Variants in FLACC1 observed in about 807,000 individuals in gnomAD.
FLACC1 encodes flagellum associated containing coiled-coil domains 1, also known as flagellum-associated coiled-coil domain-containing protein 1.
A neutral mutation model predicts 62.8 loss-of-function variants in FLACC1; 66 were observed. That is an observed-to-expected ratio of 1.05 (90% CI 0.86 to 1.29). The LOEUF is 1.29. FLACC1 is among the 50% of genes most tolerant of loss of function. The pLI is 0.00. For missense variants in FLACC1, 452 were observed against 489.1 expected (o/e 0.92, Z 0.71); for synonymous variants, 156 against 161.0 (o/e 0.97, Z 0.24).
intron 7 of FLACC1, among the ~76,000 whole-genome samples, chr2:201,339,180 G>T (rs1014123565): frequency 7.9e-5 from 12 of 151,984 alleles, no homozygotes; most frequent in African/African-American, 2.9e-4. Flanking sequence ...ATTTTTGCTA[G>T]ATTTTTTAGT....
At chr2:201,289,612 A>T in intron 13 of FLACC1, 46 bp from the exon 14 acceptor site, 2 of 1,612,934 alleles carry the variant, frequency 1.2e-6, no homozygotes, top group Non-Finnish European at 1.7e-6. Flanking sequence ...ACCCAGAGCC[A>T]TCCAGGGCAG....
At chr2:201,313,694 T>TA (rs1269694511) in intron 9 of FLACC1, among the ~76,000 whole-genome samples, 1 of 152,024 alleles carries the variant, frequency 6.6e-6, no homozygotes, top group Non-Finnish European at 1.5e-5. Flanking sequence ...CGCCTGATCC[T>TA]CCCCATACTA....
At chr2:201,303,100 T>G (rs1466886389) in intron 11 of FLACC1, among the ~76,000 whole-genome samples, 3 of 108,786 alleles carry the variant, frequency 2.8e-5, no homozygotes, top group Non-Finnish European at 6.2e-5. Context: ...CTGAAGGAGA[T>G]AGAGACACAA....
At chr2:201,348,362 G>A (rs939652844) in intron 3 of FLACC1, 60 bp from the exon 4 acceptor site, 4 of 1,572,504 alleles carry the variant, frequency 2.5e-6, no homozygotes, top group African/African-American at 2.7e-5. Flanking sequence ...TCAAAGCTTA[G>A]GAGCTGAACC....
intron 10 of FLACC1, among the ~76,000 whole-genome samples, 190 bp from the exon 11 acceptor site, chr2:201,307,812 C>A (rs1483322082): frequency 6.6e-6 from 1 of 152,196 alleles, no homozygotes; most frequent in East Asian, 1.9e-4. Context: ...TGGTTGTCCT[C>A]AATCACATTA....
chr2:201,297,129 G>T (rs918955974), intron 12 of FLACC1, among the ~76,000 whole-genome samples: 1 of 152,146 alleles, frequency 6.6e-6, no homozygotes, highest in African/African-American at 2.4e-5. Flanking sequence ...CAATTTGGGG[G>T]CTAAATCTCT....
At chr2:201,354,924 A>G (rs1025817000) in intron 1 of FLACC1, among the ~76,000 whole-genome samples, 1 of 152,170 alleles carries the variant, frequency 6.6e-6, no homozygotes, top group Non-Finnish European at 1.5e-5. Context: ...CATTTGATGA[A>G]TATTTCTTAC....
chr2:201,316,231 C>A (rs1164156256), intron 9 of FLACC1, among the ~76,000 whole-genome samples: 1 of 151,618 alleles, frequency 6.6e-6, no homozygotes, highest in Non-Finnish European at 1.5e-5. Flanking sequence ...TGAAATCAAA[C>A]AAACAAACAA....
At chr2:201,292,670 T>C (rs537275888) in intron 12 of FLACC1, among the ~76,000 whole-genome samples, 2 of 152,256 alleles carry the variant, frequency 1.3e-5, no homozygotes, top group Admixed American at 6.5e-5. Flanking sequence ...AATTCACACA[T>C]AACAATATTA....
At chr2:201,304,681 T>C (rs933505144) in intron 11 of FLACC1, among the ~76,000 whole-genome samples, 8 of 152,196 alleles carry the variant, frequency 5.3e-5, no homozygotes, top group African/African-American at 1.9e-4. Context: ...GACTTCAAAC[T>C]ATACTACAAG....
At position 201,348,310 on chromosome 2, in the gene FLACC1, A is replaced by G; in HGVS notation, c.186-8T>C. On this transcript the variant is annotated splice_region_variant and splice_polypyrimidine_tract_variant and intron_variant, in intron 3 of 14. Coordinates refer to ENST00000392257, the MANE Select transcript of FLACC1 (RefSeq NM_001127391.3). ...GCTGAATGGATTTTCATTCTGCAAG[A>G]GAAAGACATGCTCAGAAAGCAACCA... 1 of 1,611,782 alleles carries G rather than the reference A, an allele frequency of 6.2e-7. No individual in the cohort carries two copies. The highest frequency in any genetic ancestry group is 8.5e-7 in the Non-Finnish European group (1 of 1,179,744).
At chr2:201,334,120 T>C (rs1200442160) in intron 7 of FLACC1, among the ~76,000 whole-genome samples, 3 of 152,194 alleles carry the variant, frequency 2.0e-5, no homozygotes, top group Non-Finnish European at 4.4e-5. Context: ...TGGTGTGAGA[T>C]GGTATCTCAT....
chr2:201,288,886 A>G, intron 14 of FLACC1, 105 bp from the exon 15 acceptor site: 1 of 1,326,312 alleles, frequency 7.5e-7, no homozygotes, highest in East Asian at 2.4e-5. Context: ...CCTTCACCAC[A>G]GCAGTCTCTC....
At chr2:201,341,365 AG>A (rs1310959245) in intron 7 of FLACC1, among the ~76,000 whole-genome samples, 1 of 147,902 alleles carries the variant, frequency 6.8e-6, no homozygotes, top group Non-Finnish European at 1.5e-5. Flanking sequence ...TGTATATTTG[AG>A]GTATACAACA....
At chr2:201,314,695 A>AC (rs146851703) in intron 9 of FLACC1, among the ~76,000 whole-genome samples, 14,209 of 152,196 alleles carry the variant, frequency 0.093, 795 homozygotes, top group Non-Finnish European at 0.13. Flanking sequence ...ACACTTGAGA[A>AC]ATTTATCACA....
At chr2:201,348,658 A>G (rs1950965920) in intron 3 of FLACC1, among the ~76,000 whole-genome samples, 1 of 151,706 alleles carries the variant, frequency 6.6e-6, no homozygotes, top group South Asian at 2.1e-4. Context: ...AAACGGGCAC[A>G]CACACACTCA....
intron 12 of FLACC1, among the ~76,000 whole-genome samples, chr2:201,296,713 T>C (rs1949872777): frequency 6.6e-6 from 1 of 152,046 alleles, no homozygotes. Flanking sequence ...GGAACACCAA[T>C]ATGGCTGGAA....
intron 9 of FLACC1, among the ~76,000 whole-genome samples, chr2:201,321,991 G>A (rs556648813): frequency 9.8e-5 from 15 of 152,306 alleles, no homozygotes; most frequent in Admixed American, 3.9e-4. Flanking sequence ...AGAAAAGGCC[G>A]GGTGCAGTGG....
In FLACC1 at chr2:201,299,297, G is replaced by C. The variant is rs778344249; in HGVS notation, c.883C>G (p.Leu295Val). The change falls in exon 12 of 15, where the codon CTC becomes GTC. Residue 295 changes from leucine (L) to valine (V), a missense_variant. Physicochemically the swap from Leu to Val is conservative, Grantham distance 32 (BLOSUM62 1). Around this residue, in one of 3 missense-constraint regions of FLACC1, gnomAD observed 301 missense variants for 318.4 expected, o/e 0.95. Transcript: ENST00000392257. ...GTGTCACTTTGATGTTGTTTCAAGA[G>C]CTCCTAAAAACAATTTTATTGGGAA... Reference protein sequence around the residue: ...FENFIQEKEELLKQHQSDTLQ... With the variant: ...FENFIQEKEEVLKQHQSDTLQ... The C allele has an allele frequency of 6.2e-7, 1 of 1,613,596 alleles. No homozygotes were observed.
Sources: gnomAD v4.1 joint callset for allele counts (sites outside exome capture counted in the v4.1 genomes callset) on GRCh38, gnomAD v4.1.1 for gene constraint, gnomAD v4.1.1 regional missense constraint, MANE v1.5 for transcripts, NCBI Gene and HGNC (gene_info 2026-07-23, HGNC 2026-07-21) for gene names.